MSH3: variants seen among roughly 807,000 people sequenced by gnomAD.
The protein encoded by MSH3 is mutS homolog 3, also known as DNA mismatch repair protein Msh3.
A neutral mutation model predicts 123.3 loss-of-function variants in MSH3; 106 were observed. The ratio of observed to expected loss-of-function variants is 0.86; its 90% CI spans 0.73 to 1.01. The LOEUF (loss-of-function observed/expected upper bound fraction) is 1.01. Among genes scored for constraint, MSH3 ranks in the 50% least tolerant of loss-of-function variants. MSH3 has a pLI of 0.00. For missense variants in MSH3, 1,459 were observed against 1,347.6 expected, an observed-to-expected ratio of 1.08 and a Z score of -1.29; for synonymous variants, 515 against 481.4, an observed-to-expected ratio of 1.07 and a Z score of -0.91.
intron 20 of MSH3, among the ~76,000 whole-genome samples, chr5:80,847,172 G>A (rs1406237331): frequency 6.6e-6 from 1 of 152,044 alleles, no homozygotes; most frequent in Non-Finnish European, 1.5e-5. Context: ...CGATTTTCCT[G>A]CCTTAGCCTC....
intron 8 of MSH3, among the ~76,000 whole-genome samples, chr5:80,715,709 C>T (rs931310384): frequency 1.3e-5 from 2 of 152,086 alleles, no homozygotes; most frequent in African/African-American, 4.8e-5. Context: ...GAAGGGGAAG[C>T]AGGCAAGTCC....
rs1193592332 is a variant in MSH3, at chr5:80,701,936, T to C, written c.1340+22843T>C. ...TGATCCCTAAAGCAGTAAAAGCCTA[T>C]GGAGGCCTGGTATGGTTTTTCTGTA... On this transcript the variant is annotated intron_variant, in intron 8 of 23. Coordinates refer to ENST00000265081, the MANE Select transcript of MSH3 (RefSeq NM_002439.5). Among the ~76,000 whole-genome samples the C allele has an allele frequency of 2.0e-5, 3 of 152,098 alleles. No individual in the cohort carries two copies. In the East Asian group the frequency reaches 5.8e-4, roughly 29 times the overall value.
rs35045151 is a variant in MSH3, at chr5:80,768,041, C to T, written c.2005C>T (p.Arg669Trp). 1.5e-4 allele frequency: 243 copies of T among 1,613,706 alleles called. 1 individual carries two copies. The African/African-American group carries it at 2.9e-3, about 19-fold the overall frequency. The stretch of plus-strand genomic sequence containing the variant: ...TTCCCACATTCAGTCAGACTTGCTC[C>T]GGACCGTTATTTTAGAAATTCCTGA... ...VNSHIQSDLL[R>W]TVILEIPELL... Residue 669 changes from arginine (R) to tryptophan (W), a missense_variant, in exon 14 of 24, where the codon CGG becomes TGG. Coordinates refer to ENST00000265081, the MANE Select transcript of MSH3 (RefSeq NM_002439.5).
intron 9 of MSH3, among the ~76,000 whole-genome samples, chr5:80,727,668 G>T (rs550301757): frequency 1.3e-5 from 2 of 152,270 alleles, no homozygotes; most frequent in East Asian, 3.9e-4. Flanking sequence ...TTTTTTGAAT[G>T]CCTATTATAT....
At chr5:80,757,524 A>G (rs928601094) in intron 12 of MSH3, among the ~76,000 whole-genome samples, 1 of 152,122 alleles carries the variant, frequency 6.6e-6, no homozygotes, top group Admixed American at 6.6e-5. Flanking sequence ...TGACACTCAC[A>G]TTTAGTCCTT....
intron 8 of MSH3, among the ~76,000 whole-genome samples, chr5:80,720,095 G>GT: frequency 6.6e-6 from 1 of 152,300 alleles, no homozygotes; most frequent in Admixed American, 6.5e-5. Context: ...CTGGCTTACA[G>GT]TTTATTTCTT....
rs568600432 is a variant in MSH3 at position 80,705,156 on chromosome 5, C to G, written c.1341-20297C>G. ...ATTCAGCATTTATTTCTCTACCATT[C>G]TTAAGCTATTCTCACATTGTGCAAT... On this transcript the variant is annotated intron_variant, in intron 8 of 23. Transcript: ENST00000265081. Among the ~76,000 whole-genome samples, 6 of 152,330 alleles carry G rather than the reference C, an allele frequency of 3.9e-5. No homozygotes were observed. The South Asian group carries it at 1.2e-3, about 32-fold the overall frequency.
intron 20 of MSH3, among the ~76,000 whole-genome samples, chr5:80,826,846 G>A (rs1371624551): frequency 1.2e-3 from 16 of 13,442 alleles, no homozygotes; most frequent in Non-Finnish European, 2.2e-3. Flanking sequence ...ACCGCGCCCG[G>A]CCTCCAGAAT....
At chr5:80,709,600 C>G (rs1431844120) in intron 8 of MSH3, among the ~76,000 whole-genome samples, 2 of 152,072 alleles carry the variant, frequency 1.3e-5, no homozygotes, top group African/African-American at 4.8e-5. Flanking sequence ...CCACTGCACT[C>G]CAGCCTGGGC....
chr5:80,747,347 G>A (rs6151758), intron 12 of MSH3, among the ~76,000 whole-genome samples: 9 of 152,020 alleles, frequency 5.9e-5, no homozygotes, highest in South Asian at 2.1e-4. Flanking sequence ...GTTGTTAGGC[G>A]CCGAATCATG....
At position 80,713,332 on chromosome 5, in the gene MSH3, A is replaced by G. The variant is rs148045488; in HGVS notation, c.1341-12121A>G. Reference sequence around the variant, plus strand: ...GAGCATTTAGTTTTTCAAAAGCAATATGGTAGGCAACAGAGAGGCATGTTA... The same window carrying G: ...GAGCATTTAGTTTTTCAAAAGCAATGTGGTAGGCAACAGAGAGGCATGTTA... On this transcript the variant is annotated intron_variant, in intron 8 of 23. Coordinates refer to ENST00000265081, the MANE Select transcript of MSH3 (RefSeq NM_002439.5). 9.5e-4 allele frequency among the ~76,000 whole-genome samples: 145 copies of G among 152,318 alleles called. 1 individual carries two copies. Among genetic ancestry groups the G allele is most frequent in the African/African-American group, 3.5e-3 (144 of 41,558 alleles).
At chr5:80,719,032 T>A (rs1751020784) in intron 8 of MSH3, among the ~76,000 whole-genome samples, 1 of 152,050 alleles carries the variant, frequency 6.6e-6, no homozygotes, top group South Asian at 2.1e-4. Context: ...CCCTAGTTTC[T>A]TTTAGTAGGA....
At chr5:80,844,591 G>A (rs1333562100) in intron 20 of MSH3, among the ~76,000 whole-genome samples, 1 of 152,064 alleles carries the variant, frequency 6.6e-6, no homozygotes, top group African/African-American at 2.4e-5. Context: ...TCCTGTATTG[G>A]GTGCATATAT....
chr5:80,655,543 A>G (rs888072446), intron 1 of MSH3: 1 of 192,346 alleles, frequency 5.2e-6, no homozygotes, highest in East Asian at 8.2e-5. Context: ...GTGACTAATC[A>G]TGGAGTCCTT....
chr5:80,772,844 G>A (rs1369838429), intron 15 of MSH3, among the ~76,000 whole-genome samples: 6 of 152,262 alleles, frequency 3.9e-5, no homozygotes, highest in Non-Finnish European at 8.8e-5. Flanking sequence ...GAAACTCTGA[G>A]GATTGCTGAG....
In MSH3 at chr5:80,768,075, G is replaced by C. The variant is rs1744154059; in HGVS notation, c.2039G>C (p.Ser680Thr). ...ATTTTAGAAATTCCTGAACTCCTCA[G>C]TCCAGTGGAGCATTACTTAAAGATA... ...TVILEIPELL[S>T]PVEHYLKILN... The change falls in exon 14 of 24, where the codon AGT (serine) becomes ACT (threonine). Residue 680 changes from serine to threonine, a missense_variant. Transcript: ENST00000265081. 1.9e-6 allele frequency: 3 copies of C among 1,613,728 alleles called. No individual in the cohort carries two copies. The highest frequency in any genetic ancestry group is 2.2e-5 in the East Asian group (1 of 44,828).
At position 80,778,747 on chromosome 5, in the gene MSH3, T is replaced by A. The variant is rs2112007712; in HGVS notation, c.2346T>A (p.Ser782=). 6.2e-7 allele frequency: 1 copy of A among 1,612,202 alleles called. No homozygotes were observed. Among genetic ancestry groups the A allele is most frequent in the Non-Finnish European group, 8.5e-7 (1 of 1,178,208 alleles). Reference sequence around the variant, plus strand: ...CAAAAGCTGTGAGCCGCTTTCACTCTCCTTTTATTGTAGAAAATTACAGAC... The same window carrying A: ...CAAAAGCTGTGAGCCGCTTTCACTCACCTTTTATTGTAGAAAATTACAGAC... ...GSTKAVSRFH[S]PFIVENYRHL... Residue 782 remains serine, a synonymous_variant, in exon 17 of 24, where the codon TCT becomes TCA. Coordinates refer to ENST00000265081, the MANE Select transcript of MSH3 (RefSeq NM_002439.5).
intron 12 of MSH3, among the ~76,000 whole-genome samples, chr5:80,747,317 T>A (rs1234476599): frequency 6.6e-6 from 1 of 152,078 alleles, no homozygotes; most frequent in Non-Finnish European, 1.5e-5. Context: ...TTGAGATAAA[T>A]CTAGTAGACC....
At chr5:80,780,072 A>G (rs1192020563) in intron 17 of MSH3, among the ~76,000 whole-genome samples, 1 of 152,160 alleles carries the variant, frequency 6.6e-6, no homozygotes, top group African/African-American at 2.4e-5. Flanking sequence ...AGTCCTTGCC[A>G]TTGTCTCAAA....
Sources: gnomAD v4.1 joint callset for allele counts (sites outside exome capture counted in the v4.1 genomes callset) on GRCh38, gnomAD v4.1.1 for gene constraint, MANE v1.5 for transcripts, NCBI Gene and HGNC (gene_info 2026-07-23, HGNC 2026-07-21) for gene names.